OSBPL3: variants seen among roughly 807,000 people sequenced by gnomAD.
The protein encoded by OSBPL3 is oxysterol-binding protein-related protein 3.
A neutral mutation model predicts 120.1 loss-of-function variants in OSBPL3; 65 were observed. That is an observed-to-expected ratio of 0.54 (90% confidence interval 0.44 to 0.67). OSBPL3 has a LOEUF of 0.67. Among genes scored for constraint, OSBPL3 ranks in the 30% least tolerant of loss-of-function variants. OSBPL3 has a pLI of 0.00. For missense variants in OSBPL3, 1,004 were observed against 1,082.1 expected, an observed-to-expected ratio of 0.93 and a Z score of 1.01; for synonymous variants, 416 against 402.6, an observed-to-expected ratio of 1.03 and a Z score of -0.40.
rs1354607642 is a variant in OSBPL3 at position 24,896,773 on chromosome 7, GA to G, written c.-149-4153del. 1.3e-5 allele frequency among the ~76,000 whole-genome samples: 2 copies of G among 152,116 alleles called. No individual in the cohort carries two copies. Among genetic ancestry groups the G allele is most frequent in the Admixed American group, 1.3e-4 (2 of 15,278 alleles). On this transcript the variant is annotated intron_variant, in intron 1 of 22. Transcript: ENST00000313367. The surrounding 1 kb of genome is among the most constrained non-coding windows in gnomAD (Gnocchi z 4.4). ...ATGGGGAATAATAATAGCCACCCCA[GA>G]AAATTAGAAGGATTTGGCCAGGTGG...
chr7:24,979,711 C>A (rs1209231139), intron 1 of OSBPL3, among the ~76,000 whole-genome samples, 175 bp downstream of exon 1: 4 of 152,154 alleles, frequency 2.6e-5, no homozygotes, highest in Admixed American at 2.0e-4. Flanking sequence ...GCAGCCGGCA[C>A]CCAAGCTCCC....
chr7:24,913,354 C>T lies in OSBPL3; in HGVS notation c.-149-20733G>A, dbSNP rs1809108603. On this transcript the variant is annotated intron_variant, in intron 1 of 22. Coordinates refer to ENST00000313367, the MANE Select transcript of OSBPL3 (RefSeq NM_015550.4). The surrounding 1 kb of genome is among the most constrained non-coding windows in gnomAD (Gnocchi z 5.3). ...ATGAGAACATGGGGTGAAAAAGTCT[C>T]CTAGGTAAGTCAGCAGCAACACTCT... 6.6e-6 allele frequency among the ~76,000 whole-genome samples: 1 copy of T among 152,096 alleles called. No individual in the cohort carries two copies. Among genetic ancestry groups the T allele is most frequent in the South Asian group, 2.1e-4 (1 of 4,824 alleles).
rs1230946877 is a variant in OSBPL3 at position 24,822,783 on chromosome 7, A to C, written c.1885-2545T>G. 6.6e-6 allele frequency among the ~76,000 whole-genome samples: 1 copy of C among 152,250 alleles called. No individual in the cohort carries two copies. Among genetic ancestry groups the C allele is most frequent in the Non-Finnish European group, 1.5e-5 (1 of 68,046 alleles). ...CCATATGAATTACAAGAGAACCCCT[A>C]CAGTATACACACATCTCATAAAAAC... On this transcript the variant is annotated intron_variant, in intron 16 of 22. Transcript: ENST00000313367. The surrounding 1 kb of genome is among the most constrained non-coding windows in gnomAD (Gnocchi z 5.8).
chr7:24,927,887 A>ACG (rs1208568058), intron 1 of OSBPL3, among the ~76,000 whole-genome samples: 1 of 152,186 alleles, frequency 6.6e-6, no homozygotes, highest in African/African-American at 2.4e-5. Context: ...TGCACCTGAT[A>ACG]CGGTTTGGGT....
At position 24,806,633 on chromosome 7, in the gene OSBPL3, T is replaced by C. The variant is rs1793076525; in HGVS notation, c.2444+143A>G. The C allele has an allele frequency of 3.0e-6, 2 of 675,570 alleles. No homozygotes were observed. The highest frequency in any genetic ancestry group is 4.9e-6 in the Non-Finnish European group (2 of 408,858). The allele number at this position is 675,570 out of a possible 1,614,324, so 41.8% of individuals were successfully genotyped here. On this transcript the variant is annotated intron_variant, in intron 21 of 22. Transcript: ENST00000313367. The surrounding 1 kb of genome is among the most constrained non-coding windows in gnomAD (Gnocchi z 5.2). ...GGGCCCCATCTCCTCCGTGATACAA[T>C]TGTTTAAAGCATCCCCACCTCTCAA...
chr7:24,978,378 C>T (rs924480647), intron 1 of OSBPL3, among the ~76,000 whole-genome samples: 12 of 152,186 alleles, frequency 7.9e-5, no homozygotes, highest in African/African-American at 2.9e-4. Flanking sequence ...CACAGGGGAT[C>T]AAGTGATGAA....
Position 24,834,791 on chromosome 7 carries a change from A to G in OSBPL3, c.1496-55T>C. 6.9e-7 allele frequency: 1 copy of G among 1,452,048 alleles called. No homozygotes were observed. The highest frequency in any genetic ancestry group is 9.2e-7 in the Non-Finnish European group (1 of 1,086,744). 89.9% of individuals were successfully genotyped at this position (1,452,048 alleles called of 1,614,324 possible). ...ATAAAGCTTTTCATTTTATTCTATT[A>G]TTTTTAATCCACGAATAAAACCTTA... is the stretch of plus-strand genomic sequence containing the variant. On this transcript the variant is annotated intron_variant, in intron 14 of 22. Transcript: ENST00000313367. This position sits in a 1 kb window ranked among gnomAD's most constrained non-coding sequence, Gnocchi z 5.2.
At chr7:24,970,430 T>C (rs745732469) in intron 1 of OSBPL3, among the ~76,000 whole-genome samples, 32 of 152,290 alleles carry the variant, frequency 2.1e-4, no homozygotes, top group Non-Finnish European at 3.7e-4. Flanking sequence ...TTTATCTCAA[T>C]CCCATGTGCC....
rs1815565119 is a variant in OSBPL3 at position 24,960,236 on chromosome 7, G to GA, written c.-150+19649dup. Among the ~76,000 whole-genome samples, 2 of 152,112 alleles carry GA rather than the reference G, an allele frequency of 1.3e-5. 1 individual carries two copies. Among genetic ancestry groups the GA allele is most frequent in the Admixed American group, 1.3e-4 (2 of 15,272 alleles). On this transcript the variant is annotated intron_variant, in intron 1 of 22. Coordinates refer to ENST00000313367, the MANE Select transcript of OSBPL3 (RefSeq NM_015550.4). Reference sequence around the variant, plus strand: ...GTGTCTGAATAGAGGGAAACTAAGAGAAATGAAACACAGATCCTTCCACCT... The same window carrying GA: ...GTGTCTGAATAGAGGGAAACTAAGAGAAAATGAAACACAGATCCTTCCACCT...
rs966119408 is a variant in OSBPL3, at chr7:24,830,659, C to T, written c.1884+109G>A. On this transcript the variant is annotated intron_variant, in intron 16 of 22. Transcript: ENST00000313367. The surrounding 1 kb of genome is among the most constrained non-coding windows in gnomAD (Gnocchi z 4.4). The stretch of plus-strand genomic sequence containing the variant: ...TTATGTTGAAAAGCACTGTAATTAT[C>T]TCGGCTGCTTTGAAGCCAGTGAAAG... The T allele has an allele frequency of 2.7e-6, 3 of 1,091,942 alleles. No individual in the cohort carries two copies. The highest frequency in any genetic ancestry group is 3.2e-5 in the African/African-American group (2 of 62,764). 67.6% of individuals were successfully genotyped at this position (1,091,942 alleles called of 1,614,324 possible). A position where few individuals can be genotyped will look rare whatever the true frequency, so the allele number is the denominator to read the frequency against.
At chr7:24,864,512 T>C (rs1040641708) in intron 7 of OSBPL3, among the ~76,000 whole-genome samples, 1 of 152,154 alleles carries the variant, frequency 6.6e-6, no homozygotes, top group Non-Finnish European at 1.5e-5. Flanking sequence ...ATGAGTGATA[T>C]TTATTAGAGG....
chr7:24,802,238 A>G lies in OSBPL3; in HGVS notation c.2568-1959T>C, dbSNP rs1341880951. ...CAATTTGGTCTGAGCTCCAGCTTCCACTTAGAATTTTCAGTGATTTTGTTG... is the reference window on the plus strand; with the variant it reads ...CAATTTGGTCTGAGCTCCAGCTTCCGCTTAGAATTTTCAGTGATTTTGTTG... On this transcript the variant is annotated intron_variant, in intron 22 of 22. Coordinates refer to ENST00000313367, the MANE Select transcript of OSBPL3 (RefSeq NM_015550.4). This position sits in a 1 kb window ranked among gnomAD's most constrained non-coding sequence, Gnocchi z 4.1. Among the ~76,000 whole-genome samples, 1 of 152,176 alleles carries G rather than the reference A, an allele frequency of 6.6e-6. No individual in the cohort carries two copies. The highest frequency in any genetic ancestry group is 2.1e-4 in the South Asian group (1 of 4,828).
At chr7:24,811,499 A>C (rs1310073599) in intron 19 of OSBPL3, among the ~76,000 whole-genome samples, 3 of 152,090 alleles carry the variant, frequency 2.0e-5, no homozygotes, top group African/African-American at 7.2e-5. Context: ...TTTGCTGTTT[A>C]GTTTGATATA....
intron 1 of OSBPL3, among the ~76,000 whole-genome samples, chr7:24,969,975 C>T (rs1351619476): frequency 6.6e-6 from 1 of 152,156 alleles, no homozygotes; most frequent in Admixed American, 6.5e-5. Flanking sequence ...TTACTTTTCC[C>T]ATTACACAGT....
rs545113396 is a variant in OSBPL3 at position 24,890,374 on chromosome 7, G to A, written c.96+2003C>T. 6.6e-5 allele frequency among the ~76,000 whole-genome samples: 10 copies of A among 152,246 alleles called. No individual in the cohort carries two copies. The South Asian group carries it at 1.9e-3, about 28-fold the overall frequency. On this transcript the variant is annotated intron_variant, in intron 2 of 22. Coordinates refer to ENST00000313367, the MANE Select transcript of OSBPL3 (RefSeq NM_015550.4). The stretch of plus-strand genomic sequence containing the variant: ...TGTATTTAGCAACCGACAGACCATC[G>A]GAAATGGCTGTGCCCTAAGTGAGGA...
At chr7:24,853,756 C>CGT (rs1456865753) in intron 10 of OSBPL3, among the ~76,000 whole-genome samples, 1 of 152,002 alleles carries the variant, frequency 6.6e-6, no homozygotes, top group Non-Finnish European at 1.5e-5. Context: ...AAAGTGAAAG[C>CGT]GTGTGTGTGT....
chr7:24,843,703 T>C (rs1316707474), intron 12 of OSBPL3, among the ~76,000 whole-genome samples: 1 of 152,236 alleles, frequency 6.6e-6, no homozygotes, highest in African/African-American at 2.4e-5. Flanking sequence ...CCCATTTTAA[T>C]ACCCATGTAG....
At position 24,872,924 on chromosome 7, in the gene OSBPL3, C is replaced by T. The variant is rs1802369117; in HGVS notation, c.97-855G>A. Among the ~76,000 whole-genome samples the T allele has an allele frequency of 6.6e-6, 1 of 152,106 alleles. No individual in the cohort carries two copies. On this transcript the variant is annotated intron_variant, in intron 2 of 22. Coordinates refer to ENST00000313367, the MANE Select transcript of OSBPL3 (RefSeq NM_015550.4). This position sits in a 1 kb window ranked among gnomAD's most constrained non-coding sequence, Gnocchi z 4.1. Reference sequence around the variant, plus strand: ...ACCAAAAGTAGCAATACTTCAGTGACTGGGAGAATTTATTTTTATTATTAT... The same window carrying T: ...ACCAAAAGTAGCAATACTTCAGTGATTGGGAGAATTTATTTTTATTATTAT...
chr7:24,951,716 C>G (rs1321162888), intron 1 of OSBPL3, among the ~76,000 whole-genome samples: 1 of 152,148 alleles, frequency 6.6e-6, no homozygotes, highest in East Asian at 1.9e-4. Context: ...CATGTAAGGG[C>G]TGACAAACAC....
Sources: gnomAD v4.1 joint callset for allele counts (sites outside exome capture counted in the v4.1 genomes callset) on GRCh38, gnomAD v4.1.1 for gene constraint, Gnocchi (gnomAD v3.1) non-coding constraint, MANE v1.5 for transcripts, NCBI Gene and HGNC (gene_info 2026-07-23, HGNC 2026-07-21) for gene names.